Variants in APLF observed in about 807,000 individuals in gnomAD.
APLF encodes aprataxin and PNK-like factor.
Under a neutral mutation model 55.6 loss-of-function variants are expected in APLF, and 61 were observed. The observed-to-expected ratio is 1.10, with a 90% confidence interval of 0.89 to 1.36. APLF has a LOEUF of 1.36. Among genes scored for constraint, APLF ranks in the 40% most tolerant of loss-of-function variants. APLF has a pLI of 0.00. For missense variants in APLF, 611 were observed against 602.5 expected (o/e 1.01, Z -0.15); for synonymous variants, 207 against 214.8 (o/e 0.96, Z 0.32).
intron 8 of APLF, among the ~76,000 whole-genome samples, chr2:68,545,743 C>G (rs1050062964): frequency 1.3e-5 from 2 of 152,172 alleles, no homozygotes; most frequent in African/African-American, 4.8e-5. Context: ...AAGAATACTT[C>G]TCCTCTCAGT....
intron 6 of APLF, among the ~76,000 whole-genome samples, 159 bp downstream of exon 6, chr2:68,526,401 T>A (rs1271819916): frequency 2.0e-5 from 3 of 152,204 alleles, no homozygotes; most frequent in Non-Finnish European, 4.4e-5. Flanking sequence ...AAACTAATCT[T>A]TAATATAGTA....
intron 5 of APLF, among the ~76,000 whole-genome samples, chr2:68,525,746 T>C (rs372945983): frequency 3.3e-3 from 415 of 127,614 alleles, no homozygotes; most frequent in Non-Finnish European, 5.6e-3. Context: ...TTCTTTCTTT[T>C]TTTTTTTTTT....
chr2:68,488,898 A>T (rs931298053), intron 1 of APLF, among the ~76,000 whole-genome samples: 3 of 152,154 alleles, frequency 2.0e-5, no homozygotes, highest in African/African-American at 7.2e-5. Flanking sequence ...GGTACAGCAC[A>T]CCAGCATGGC....
chr2:68,540,770 GC>G (rs1670525081), intron 7 of APLF, among the ~76,000 whole-genome samples: 2 of 150,124 alleles, frequency 1.3e-5, no homozygotes, highest in African/African-American at 5.0e-5. Flanking sequence ...GTATGTGCAT[GC>G]GTGTGTGTGT....
chr2:68,528,017 G>A (rs1465231915), intron 6 of APLF, among the ~76,000 whole-genome samples: 1 of 151,474 alleles, frequency 6.6e-6, no homozygotes, highest in Non-Finnish European at 1.5e-5. Context: ...TTCCCAGAGA[G>A]GGCGGGGGCT....
intron 8 of APLF, among the ~76,000 whole-genome samples, chr2:68,558,342 AC>A (rs1484860935): frequency 1.3e-5 from 2 of 152,162 alleles, no homozygotes; most frequent in Non-Finnish European, 2.9e-5. Flanking sequence ...CAAAGTGAGT[AC>A]TTTTTACTAT....
Position 68,471,445 on chromosome 2 carries a change from T to C in APLF, c.96+3618T>C, listed in dbSNP as rs138036647. Among the ~76,000 whole-genome samples, 991 of 152,336 alleles carry C rather than the reference T, an allele frequency of 6.5e-3. 7 individuals carry two copies. The highest frequency in any genetic ancestry group is 0.023 in the African/African-American group (941 of 41,558). On this transcript the variant is annotated intron_variant, in intron 1 of 9. Transcript: ENST00000303795. Reference sequence around the variant, plus strand: ...CAAGTCTTTGCTCTCAAGAAACTTATAGTTTTGTAGGGTTAAGAGACAAAT... The same window carrying C: ...CAAGTCTTTGCTCTCAAGAAACTTACAGTTTTGTAGGGTTAAGAGACAAAT...
intron 8 of APLF, among the ~76,000 whole-genome samples, chr2:68,566,511 A>G (rs1671314026): frequency 6.6e-6 from 1 of 152,108 alleles, no homozygotes; most frequent in African/African-American, 2.4e-5. Flanking sequence ...ACAAATGAAC[A>G]TTTGTCATGT....
chr2:68,504,643 T>G (rs1676823064), intron 3 of APLF, among the ~76,000 whole-genome samples: 1 of 151,858 alleles, frequency 6.6e-6, no homozygotes, highest in South Asian at 2.1e-4. Flanking sequence ...AACCTATTAG[T>G]GAAATGTTGA....
At chr2:68,496,239 C>A (rs1039302189) in intron 2 of APLF, among the ~76,000 whole-genome samples, 4 of 152,086 alleles carry the variant, frequency 2.6e-5, no homozygotes, top group African/African-American at 9.7e-5. Context: ...GTAGCTGGGA[C>A]TACAGGCGCG....
intron 6 of APLF, among the ~76,000 whole-genome samples, chr2:68,527,998 G>A (rs563583087): frequency 8.0e-5 from 12 of 150,380 alleles, no homozygotes; most frequent in East Asian, 2.0e-4. Context: ...GGGCAGAGGC[G>A]CTCGTCACTT....
At chr2:68,518,841 T>C (rs1233191202) in intron 5 of APLF, among the ~76,000 whole-genome samples, 1 of 126,510 alleles carries the variant, frequency 7.9e-6, no homozygotes, top group East Asian at 2.2e-4. Context: ...CATTAATATG[T>C]AATAAAATAC....
At chr2:68,493,073 A>T (rs187783364) in intron 2 of APLF, among the ~76,000 whole-genome samples, 1 of 152,242 alleles carries the variant, frequency 6.6e-6, no homozygotes, top group Non-Finnish European at 1.5e-5. Context: ...TGTTGTTGTT[A>T]TGTTTCTGAA....
chr2:68,573,427 CT>C (rs1646183598), intron 9 of APLF, among the ~76,000 whole-genome samples: 1 of 152,110 alleles, frequency 6.6e-6, no homozygotes, highest in South Asian at 2.1e-4. Context: ...AATCCTAGCA[CT>C]TTGGGGGGCC....
rs761741770 is a variant in APLF at position 68,488,582 on chromosome 2, C to T, written c.97-1608C>T. Among the ~76,000 whole-genome samples, 7 of 151,898 alleles carry T rather than the reference C, an allele frequency of 4.6e-5. 1 individual carries two copies. The highest frequency in any genetic ancestry group is 1.5e-4 in the African/African-American group (6 of 41,300). On this transcript the variant is annotated intron_variant, in intron 1 of 9. Coordinates refer to ENST00000303795, the MANE Select transcript of APLF (RefSeq NM_173545.3). Reference sequence around the variant, plus strand: ...AATTCCTGGGCTCAAGGAGTCTTCCCACTTCAGCCTCCCAAAGTGCTGGGA... The same window carrying T: ...AATTCCTGGGCTCAAGGAGTCTTCCTACTTCAGCCTCCCAAAGTGCTGGGA...
chr2:68,512,691 A>AT (rs888129578), intron 3 of APLF, among the ~76,000 whole-genome samples: 31 of 151,744 alleles, frequency 2.0e-4, no homozygotes, highest in African/African-American at 6.5e-4. Context: ...GATTTTATTT[A>AT]TTTTTTCTCC....
intron 5 of APLF, chr2:68,515,735 A>T: frequency 1.0e-6 from 1 of 983,220 alleles, no homozygotes; most frequent in African/African-American, 1.7e-5. Context: ...CTTTGGATTC[A>T]GGTAATCTTT....
chr2:68,509,317 G>A (rs927013487), intron 3 of APLF, among the ~76,000 whole-genome samples: 4 of 151,858 alleles, frequency 2.6e-5, no homozygotes, highest in African/African-American at 4.8e-5. Context: ...TTTGCAATCT[G>A]CTCATCTGAC....
intron 1 of APLF, among the ~76,000 whole-genome samples, chr2:68,480,019 G>T (rs963900786): frequency 6.6e-6 from 1 of 152,076 alleles, no homozygotes; most frequent in African/African-American, 2.4e-5. Flanking sequence ...AGAATATACT[G>T]TAAAATACAT....
Sources: allele counts gnomAD v4.1 joint callset (sites outside exome capture counted in the v4.1 genomes callset), GRCh38; gene constraint gnomAD v4.1.1; transcripts MANE v1.5; gene names NCBI Gene and HGNC (gene_info 2026-07-23, HGNC 2026-07-21).